Variants in KATNAL2 observed in about 807,000 individuals in gnomAD.
KATNAL2 encodes the protein katanin p60 ATPase-containing subunit A-like 2.
Under a neutral mutation model 76.3 loss-of-function variants are expected in KATNAL2, and 52 were observed. The observed-to-expected ratio is 0.68, with a 90% CI of 0.55 to 0.86. The LOEUF is 0.86. Ranked by LOEUF, KATNAL2 falls within the 40% of genes least tolerant of loss-of-function variation. The pLI is 0.00. For synonymous variants in KATNAL2, 243 were observed against 244.2 expected (o/e 1.00, Z 0.05); for missense variants, 660 against 668.9 (o/e 0.99, Z 0.15).
At chr18:47,032,674 G>A in intron 3 of KATNAL2, 1 of 374,992 alleles carries the variant, frequency 2.7e-6, no homozygotes, top group Non-Finnish European at 4.8e-6. Context: ...AAAAAAAAAA[G>A]AAAGGAAAAA....
chr18:47,069,926 A>G (rs1186175144), intron 13 of KATNAL2, among the ~76,000 whole-genome samples: 2 of 152,132 alleles, frequency 1.3e-5, no homozygotes, highest in Non-Finnish European at 2.9e-5. Flanking sequence ...TTTATTATTT[A>G]ACATGTACAC....
chr18:46,941,936 C>T (rs76633641), intron 1 of KATNAL2, among the ~76,000 whole-genome samples: 1 of 152,232 alleles, frequency 6.6e-6, no homozygotes, highest in Non-Finnish European at 1.5e-5. Context: ...AGGGGTGCGC[C>T]TGTTGCTGTG....
intron 15 of KATNAL2, among the ~76,000 whole-genome samples, chr18:47,081,724 G>A (rs2062533379): frequency 6.6e-6 from 1 of 152,198 alleles, no homozygotes; most frequent in African/African-American, 2.4e-5. Context: ...ACTGTTAGGT[G>A]TGGTCAAGGC....
Position 46,946,834 on chromosome 18 carries a change from T to TC in KATNAL2, c.-19-20_-19-19insC. ...TCGACCGGTCAGCCCAGTAACTGAC[T>TC]ACTTTTCTCCCTTCTCTAGGGTCCT... is the stretch of plus-strand genomic sequence containing the variant. On this transcript the variant is annotated intron_variant, in intron 2 of 17. Coordinates refer to ENST00000683218, the MANE Select transcript of KATNAL2 (RefSeq NM_001387690.1). 6.5e-7 allele frequency: 1 copy of TC among 1,531,484 alleles called. No individual in the cohort carries two copies. Among genetic ancestry groups the TC allele is most frequent in the Non-Finnish European group, 8.7e-7 (1 of 1,143,428 alleles). 94.9% of individuals were successfully genotyped at this position (1,531,484 alleles called of 1,614,324 possible).
intron 11 of KATNAL2, among the ~76,000 whole-genome samples, chr18:47,068,148 G>C (rs1206594038): frequency 6.6e-6 from 1 of 152,178 alleles, no homozygotes; most frequent in Admixed American, 6.5e-5. Context: ...AAAGTCACAG[G>C]GCCAGGCCCA....
chr18:47,101,238 G>A lies in KATNAL2; in HGVS notation c.*233G>A. On this transcript the variant is annotated 3_prime_UTR_variant, in exon 18 of 18. Transcript: ENST00000683218. ...GTTACATACATATATGTGCTATTGG[G>A]TCATACAATGGAGATTTTTCTGACA... 2.4e-6 allele frequency: 1 copy of A among 421,200 alleles called. No homozygotes were observed. 26.1% of individuals were successfully genotyped at this position (421,200 alleles called of 1,614,324 possible).
chr18:46,958,979 T>C (rs1291150849), intron 3 of KATNAL2, among the ~76,000 whole-genome samples: 1 of 152,240 alleles, frequency 6.6e-6, no homozygotes, highest in African/African-American at 2.4e-5. Context: ...AAATATCGAC[T>C]GTGTTAGCTA....
At position 46,943,710 on chromosome 18, in the gene KATNAL2, A is replaced by C. The variant is rs191447804; in HGVS notation, c.-509-2347A>C. On this transcript the variant is annotated intron_variant, in intron 1 of 17. Coordinates refer to ENST00000683218, the MANE Select transcript of KATNAL2 (RefSeq NM_001387690.1). ...TTACTTTCCTAATAAACTTGCTTTC[A>C]CTTTATGGAGTCACCCTGAATTCTT... is the stretch of plus-strand genomic sequence containing the variant. Among the ~76,000 whole-genome samples the C allele has an allele frequency of 7.9e-5, 12 of 152,344 alleles. No homozygotes were observed. In the East Asian group the frequency reaches 2.3e-3, roughly 29 times the overall value.
chr18:47,044,153 A>G (rs2061069416), intron 3 of KATNAL2, among the ~76,000 whole-genome samples: 1 of 152,178 alleles, frequency 6.6e-6, no homozygotes, highest in Non-Finnish European at 1.5e-5. Flanking sequence ...TGGAAGAAGA[A>G]TTCCCTTGGG....
intron 13 of KATNAL2, among the ~76,000 whole-genome samples, chr18:47,071,954 T>TTC (rs1569114046): frequency 1.1e-3 from 14 of 12,858 alleles, no homozygotes; most frequent in African/African-American, 2.4e-3. Flanking sequence ...CAATTTCTTC[T>TTC]TTTTTTTTTT....
intron 1 of KATNAL2, among the ~76,000 whole-genome samples, chr18:46,932,506 G>A (rs1266357104): frequency 1.3e-5 from 2 of 151,070 alleles, no homozygotes; most frequent in Non-Finnish European, 3.0e-5. Context: ...GAAACACTGT[G>A]TGTAATAAAA....
At chr18:47,047,064 G>T (rs1328684135) in intron 4 of KATNAL2, among the ~76,000 whole-genome samples, 1 of 152,062 alleles carries the variant, frequency 6.6e-6, no homozygotes, top group Non-Finnish European at 1.5e-5. Flanking sequence ...GAGACTGCTG[G>T]TGTGTACCAT....
intron 3 of KATNAL2, among the ~76,000 whole-genome samples, chr18:46,957,511 C>G (rs1026634002): frequency 6.7e-6 from 1 of 149,982 alleles, no homozygotes; most frequent in African/African-American, 2.5e-5. Flanking sequence ...GCCTTGGCCT[C>G]CCAAAGTGCT....
chr18:47,077,569 C>G (rs1266498756), intron 15 of KATNAL2, 108 bp downstream of exon 15: 40 of 740,342 alleles, frequency 5.4e-5, no homozygotes, highest in Non-Finnish European at 9.4e-6. Context: ...TTGGCTGCAG[C>G]CCTGGAAGAT....
intron 3 of KATNAL2, among the ~76,000 whole-genome samples, chr18:47,037,702 AGT>A (rs1209115922): frequency 6.6e-6 from 1 of 152,208 alleles, no homozygotes; most frequent in Non-Finnish European, 1.5e-5. Context: ...CATTTGGAAT[AGT>A]GTTTTTAAAA....
intron 3 of KATNAL2, among the ~76,000 whole-genome samples, chr18:46,960,411 C>A (rs2059901802): frequency 6.9e-6 from 1 of 144,144 alleles, no homozygotes; most frequent in Non-Finnish European, 1.5e-5. Flanking sequence ...GCCTGGGCAA[C>A]CCAAGAGCGA....
intron 3 of KATNAL2, among the ~76,000 whole-genome samples, chr18:47,031,895 G>C (rs1178402589): frequency 6.6e-6 from 1 of 152,122 alleles, no homozygotes; most frequent in Non-Finnish European, 1.5e-5. Context: ...TTTCCTGTGT[G>C]TGTGTGTATC....
rs1478973182 is a variant in KATNAL2 at position 47,063,126 on chromosome 18, C to G, written c.648+56C>G. ...CAAATTGCCAACATCCAGATGAACTCTGGAAATATAATTTTGAGTACAGTG... is the reference window on the plus strand; with the variant it reads ...CAAATTGCCAACATCCAGATGAACTGTGGAAATATAATTTTGAGTACAGTG... On this transcript the variant is annotated intron_variant, in intron 9 of 17. Coordinates refer to ENST00000683218, the MANE Select transcript of KATNAL2 (RefSeq NM_001387690.1). The G allele has an allele frequency of 3.9e-6, 6 of 1,520,702 alleles. No homozygotes were observed. The East Asian group carries it at 1.1e-4, about 29-fold the overall frequency. The allele number at this position is 1,520,702 out of a possible 1,614,324, so 94.2% of individuals were successfully genotyped here. A position where few individuals can be genotyped will look rare whatever the true frequency, so the allele number is the denominator to read the frequency against.
rs753840739 is a variant in KATNAL2 at position 47,059,544 on chromosome 18, C to G, written c.451-12C>G. On this transcript the variant is annotated splice_polypyrimidine_tract_variant and intron_variant, in intron 7 of 17. Transcript: ENST00000683218. Reference sequence around the variant, plus strand: ...GCTCACAGCCGATGTGTCCTTGTCTCTCTTTCTTCAGGAGGTAGTTGATAA... The same window carrying G: ...GCTCACAGCCGATGTGTCCTTGTCTGTCTTTCTTCAGGAGGTAGTTGATAA... 1.5e-5 allele frequency: 23 copies of G among 1,579,640 alleles called. No homozygotes were observed. Among genetic ancestry groups the G allele is most frequent in the Non-Finnish European group, 1.9e-5 (22 of 1,148,794 alleles).
Sources: gnomAD v4.1 joint callset for allele counts (sites outside exome capture counted in the v4.1 genomes callset) on GRCh38, gnomAD v4.1.1 for gene constraint, MANE v1.5 for transcripts, NCBI Gene and HGNC (gene_info 2026-07-23, HGNC 2026-07-21) for gene names.